Variants in PDE4D observed in about 807,000 individuals in gnomAD.
PDE4D encodes the protein phosphodiesterase 4D, also known as 3',5'-cyclic-AMP phosphodiesterase 4D.
PDE4D carries 24 observed loss-of-function variants against 87.4 expected under a neutral mutation model. The observed-to-expected ratio is 0.27, with a 90% CI of 0.20 to 0.39. The LOEUF is 0.39. PDE4D is among the 10% of genes least tolerant of loss of function. The pLI, the probability that PDE4D is intolerant of heterozygous loss-of-function variation, is 1.00. For missense variants in PDE4D, 714 were observed against 1,041.0 expected (o/e 0.69, Z 4.32); for synonymous variants, 384 against 383.2 (o/e 1.00, Z -0.02).
At chr5:59,388,823 A>G (rs1582314853) in intron 1 of PDE4D, among the ~76,000 whole-genome samples, 1 of 152,110 alleles carries the variant, frequency 6.6e-6, no homozygotes, top group Non-Finnish European at 1.5e-5. Flanking sequence ...CCTAGAAACT[A>G]TAAGTTTTAA....
chr5:59,042,195 A>G (rs1759799333), intron 5 of PDE4D, among the ~76,000 whole-genome samples: 1 of 152,204 alleles, frequency 6.6e-6, no homozygotes, highest in South Asian at 2.1e-4. Flanking sequence ...AGCTGAGAAT[A>G]TTGCTTTTTT....
chr5:59,971,203 G>A (rs1253123846), intron 3 of PDE4D, among the ~76,000 whole-genome samples: 1 of 107,784 alleles, frequency 9.3e-6, no homozygotes, highest in Non-Finnish European at 1.7e-5. Context: ...TCTGGGGACT[G>A]TTGTGGGGTG....
intron 1 of PDE4D, among the ~76,000 whole-genome samples, chr5:59,742,212 C>T (rs1431392864): frequency 6.6e-6 from 1 of 152,080 alleles, no homozygotes; most frequent in Non-Finnish European, 1.5e-5. Context: ...TACAGGCATG[C>T]ACTACCATAT....
chr5:59,359,676 A>C (rs551262419), intron 1 of PDE4D, among the ~76,000 whole-genome samples: 1 of 152,238 alleles, frequency 6.6e-6, no homozygotes, highest in Non-Finnish European at 1.5e-5. Flanking sequence ...CAAGCTGTTT[A>C]TAATTTTTAC....
At chr5:60,191,744 C>T (rs1272699457) in intron 1 of PDE4D, among the ~76,000 whole-genome samples, 1 of 152,108 alleles carries the variant, frequency 6.6e-6, no homozygotes, top group Non-Finnish European at 1.5e-5. Flanking sequence ...TGCCTGTCAT[C>T]CCAGCACTTT....
chr5:59,339,314 C>T (rs1778293477), intron 1 of PDE4D, among the ~76,000 whole-genome samples: 1 of 152,096 alleles, frequency 6.6e-6, no homozygotes, highest in Non-Finnish European at 1.5e-5. Context: ...TTTCTCAAAG[C>T]CATTTTCCTT....
intron 5 of PDE4D, among the ~76,000 whole-genome samples, chr5:59,147,090 T>C (rs1398381183): frequency 6.6e-6 from 1 of 152,182 alleles, no homozygotes; most frequent in African/African-American, 2.4e-5. Context: ...CCTGATGATC[T>C]GAGGTGGTTT....
chr5:59,649,349 C>T (rs558770833), intron 1 of PDE4D, among the ~76,000 whole-genome samples: 1 of 152,250 alleles, frequency 6.6e-6, no homozygotes, highest in African/African-American at 2.4e-5. Flanking sequence ...TGGGAACGTG[C>T]TTGCATGCAG....
At chr5:59,463,976 G>A (rs1365224399) in intron 1 of PDE4D, among the ~76,000 whole-genome samples, 1 of 152,210 alleles carries the variant, frequency 6.6e-6, no homozygotes. Context: ...AATGGATTAA[G>A]GGTTGTGCAA....
chr5:59,107,865 G>T (rs1431252025), intron 5 of PDE4D, among the ~76,000 whole-genome samples: 4 of 152,168 alleles, frequency 2.6e-5, no homozygotes, highest in African/African-American at 4.8e-5. Context: ...GCCCTGAGTT[G>T]CCAGGGAAGA....
At chr5:60,375,857 G>A (rs1286161353) in intron 1 of PDE4D, among the ~76,000 whole-genome samples, 1 of 152,168 alleles carries the variant, frequency 6.6e-6, no homozygotes, top group Non-Finnish European at 1.5e-5. Context: ...TGGCCAACAT[G>A]GTGAAACCTC....
chr5:59,162,536 A>T (rs1781252214), intron 5 of PDE4D, among the ~76,000 whole-genome samples: 1 of 152,104 alleles, frequency 6.6e-6, no homozygotes. Context: ...TTTCATTTTA[A>T]AAATTAAATA....
At chr5:60,150,127 T>C (rs935843309) in intron 2 of PDE4D, among the ~76,000 whole-genome samples, 6 of 150,480 alleles carry the variant, frequency 4.0e-5, no homozygotes, top group Admixed American at 2.0e-4. Context: ...AATTAGACAA[T>C]TTGTACAAAA....
chr5:59,996,540 A>G (rs1763542301), intron 2 of PDE4D, among the ~76,000 whole-genome samples: 1 of 152,168 alleles, frequency 6.6e-6, no homozygotes, highest in Admixed American at 6.5e-5. Flanking sequence ...TCATGTCCCC[A>G]TGAAATTGTT....
rs865996176 is a variant in PDE4D at position 59,808,687 on chromosome 5, A to G, written c.455+84481T>C. Among the ~76,000 whole-genome samples, 3 of 152,310 alleles carry G rather than the reference A, an allele frequency of 2.0e-5. No individual in the cohort carries two copies. The Middle Eastern group carries it at 0.01, about 518-fold the overall frequency. On this transcript the variant is annotated intron_variant, in intron 1 of 14. Transcript: ENST00000340635. Reference sequence around the variant, plus strand: ...AAAGTTTCAAAGAACCCTTTTCCCCAGATACCGAGAGATTTTGGCCATTCC... The same window carrying G: ...AAAGTTTCAAAGAACCCTTTTCCCCGGATACCGAGAGATTTTGGCCATTCC...
At chr5:59,712,659 T>G (rs1754385212) in intron 1 of PDE4D, among the ~76,000 whole-genome samples, 1 of 150,990 alleles carries the variant, frequency 6.6e-6, no homozygotes, top group African/African-American at 2.4e-5. Context: ...TAATAATATA[T>G]CTATAATGTA....
chr5:59,651,551 T>C (rs925412219), intron 1 of PDE4D, among the ~76,000 whole-genome samples: 2 of 152,048 alleles, frequency 1.3e-5, no homozygotes, highest in African/African-American at 4.8e-5. Context: ...ACTTGGGTCA[T>C]TCAATATATG....
In PDE4D at chr5:60,479,876, C is replaced by G. The variant is rs2150213214; in HGVS notation, c.-90+8066G>C. Reference sequence around the variant, plus strand: ...TTTACTCTCAGGGGAGAACTGACACCCTGAGTGACACCTATTCTCTCATTT... The same window carrying G: ...TTTACTCTCAGGGGAGAACTGACACGCTGAGTGACACCTATTCTCTCATTT... On this transcript the variant is annotated intron_variant, in intron 1 of 16. Coordinates refer to the PDE4D transcript ENST00000502484. 1.3e-5 allele frequency among the ~76,000 whole-genome samples: 2 copies of G among 152,234 alleles called. 1 individual carries two copies. The highest frequency in any genetic ancestry group is 2.9e-5 in the Non-Finnish European group (2 of 68,014).
chr5:59,882,663 C>G (rs1305223264), intron 1 of PDE4D, among the ~76,000 whole-genome samples: 3 of 151,978 alleles, frequency 2.0e-5, no homozygotes, highest in African/African-American at 7.3e-5. Flanking sequence ...ACTAGATTAT[C>G]TTGGTGCATT....
Sources: allele counts gnomAD v4.1 joint callset (sites outside exome capture counted in the v4.1 genomes callset), GRCh38; gene constraint gnomAD v4.1.1; transcripts MANE v1.5; gene names NCBI Gene and HGNC (gene_info 2026-07-23, HGNC 2026-07-21).